SCN2A: variants seen among roughly 807,000 people sequenced by gnomAD.
The protein encoded by SCN2A is sodium voltage-gated channel alpha subunit 2, also known as sodium channel protein type 2 subunit alpha.
SCN2A carries 20 observed loss-of-function variants against 188.7 expected under a neutral mutation model. The ratio of observed to expected loss-of-function variants is 0.11; its 90% CI spans 0.07 to 0.15. The LOEUF is 0.15. SCN2A is among the 10% of genes least tolerant of loss of function. The pLI, the probability that SCN2A is intolerant of heterozygous loss-of-function variation, is 1.00. For synonymous variants in SCN2A, 804 were observed against 833.1 expected, an observed-to-expected ratio of 0.97 and a Z score of 0.60; for missense variants, 1,278 against 2,445.0, an observed-to-expected ratio of 0.52 and a Z score of 10.07.
chr2:165,332,743 G>T (rs1698762634), intron 14 of SCN2A, among the ~76,000 whole-genome samples: 1 of 151,932 alleles, frequency 6.6e-6, no homozygotes, highest in Admixed American at 6.6e-5. Context: ...GAAAGCCTTT[G>T]GAGGTAATAT....
intron 17 of SCN2A, among the ~76,000 whole-genome samples, chr2:165,360,977 A>G (rs1289995499): frequency 1.3e-5 from 2 of 151,980 alleles, no homozygotes; most frequent in Non-Finnish European, 2.9e-5. Flanking sequence ...GTGACTATGT[A>G]CTACAGTTAG....
In SCN2A at chr2:165,367,272, A is replaced by G; in HGVS notation, c.3576A>G (p.Lys1192=). Residue 1192 remains lysine (K), a synonymous_variant, in exon 19 of 27, where the codon AAA becomes AAG. Coordinates refer to ENST00000375437, the MANE Select transcript of SCN2A (RefSeq NM_001040142.2). ...TAAGCATAGAAGAAGGCAAAGGGAA[A>G]CTCTGGTGGAATTTGAGGAAAACAT... ...CQISIEEGKG[K]LWWNLRKTCY... is the part of the protein sequence containing the mutation. 1.2e-6 allele frequency: 2 copies of G among 1,614,002 alleles called. No individual in the cohort carries two copies. Among genetic ancestry groups the G allele is most frequent in the South Asian group, 1.1e-5 (1 of 91,072 alleles).
chr2:165,382,207 T>C (rs1195917575), intron 25 of SCN2A, among the ~76,000 whole-genome samples: 10 of 152,066 alleles, frequency 6.6e-5, no homozygotes, highest in Admixed American at 2.6e-4. Flanking sequence ...AATTAGTGAG[T>C]AGTAGACACT....
rs200109956 is a variant in SCN2A at position 165,307,912 on chromosome 2, C to G, written c.451C>G (p.Pro151Ala). 2 of 1,608,582 alleles carry G rather than the reference C, an allele frequency of 1.2e-6. No homozygotes were observed. Among genetic ancestry groups the G allele is most frequent in the Non-Finnish European group, 1.7e-6 (2 of 1,175,278 alleles). ...CTGTGTATTTATGACCATGAGTAAC[C>G]CTCCAGACTGGACAAAGAATGTGGA... is the stretch of plus-strand genomic sequence containing the variant. ...TNCVFMTMSN[P>A]PDWTKNVEYT... Residue 151 changes from proline (P) to alanine (A), a missense_variant, in exon 4 of 27, where the codon CCT (proline) becomes GCT (alanine). This residue lies in a region of SCN2A where 141 missense variants were observed against 185.4 expected (regional missense o/e 0.76). Transcript: ENST00000375437.
chr2:165,270,536 T>C (rs981451708), intron 1 of SCN2A: 6 of 152,110 alleles, frequency 3.9e-5, no homozygotes, highest in African/African-American at 1.4e-4. Flanking sequence ...CTTTCGGCAT[T>C]GTATTTGATA....
intron 25 of SCN2A, among the ~76,000 whole-genome samples, chr2:165,382,602 A>G (rs1327547703): frequency 2.0e-5 from 3 of 152,020 alleles, no homozygotes; most frequent in South Asian, 2.1e-4. Context: ...TAAGAATAGC[A>G]TATTTTCATT....
At chr2:165,377,906 T>A (rs1701394369) in intron 23 of SCN2A, among the ~76,000 whole-genome samples, 1 of 151,930 alleles carries the variant, frequency 6.6e-6, no homozygotes, top group African/African-American at 2.4e-5. Context: ...TTATTGTATG[T>A]ATTTTCAAAA....
At chr2:165,261,932 T>C (rs2106087877) in intron 1 of SCN2A, among the ~76,000 whole-genome samples, 2 of 152,318 alleles carry the variant, frequency 1.3e-5, no homozygotes, top group South Asian at 4.1e-4. Flanking sequence ...TCTCTATTTT[T>C]TAAGCTGATA....
intron 20 of SCN2A, chr2:165,370,971 C>A (rs1700993981): frequency 6.6e-6 from 1 of 152,572 alleles, no homozygotes; most frequent in Non-Finnish European, 1.5e-5. Flanking sequence ...TAAAGGAAGA[C>A]AATAAATAAT....
intron 25 of SCN2A, among the ~76,000 whole-genome samples, 158 bp downstream of exon 25, chr2:165,381,355 T>G (rs568340992): frequency 6.8e-4 from 104 of 151,968 alleles, no homozygotes; most frequent in Middle Eastern, 3.4e-3. Flanking sequence ...AAAATGTACT[T>G]TACATATATA....
chr2:165,380,893 A>G, intron 24 of SCN2A, 164 bp downstream of exon 24: 2 of 712,166 alleles, frequency 2.8e-6, no homozygotes, highest in South Asian at 1.9e-5. Flanking sequence ...AATAATTCAG[A>G]TAGCATGTTT....
chr2:165,299,852 C>T (rs900131991), intron 3 of SCN2A, among the ~76,000 whole-genome samples: 13 of 152,156 alleles, frequency 8.5e-5, no homozygotes, highest in Non-Finnish European at 2.9e-5. Context: ...TATAAACCAA[C>T]AAGGAGCCAT....
intron 19 of SCN2A, among the ~76,000 whole-genome samples, chr2:165,368,564 G>A (rs932960423): frequency 1.3e-5 from 2 of 152,014 alleles, no homozygotes; most frequent in East Asian, 1.9e-4. Context: ...ACACTGATTC[G>A]CTATTGCCAA....
At chr2:165,258,782 A>G (rs1694442494) in intron 1 of SCN2A, among the ~76,000 whole-genome samples, 1 of 152,236 alleles carries the variant, frequency 6.6e-6, no homozygotes, top group Non-Finnish European at 1.5e-5. Flanking sequence ...TGTCCTCTGC[A>G]GGGACATGGA....
chr2:165,257,306 A>G (rs905017863), intron 1 of SCN2A, among the ~76,000 whole-genome samples: 6 of 152,140 alleles, frequency 3.9e-5, no homozygotes, highest in African/African-American at 1.4e-4. Context: ...GTGGTCTTCT[A>G]TTGGCACATC....
At chr2:165,307,555 A>G (rs1697201833) in intron 3 of SCN2A, among the ~76,000 whole-genome samples, 1 of 152,146 alleles carries the variant, frequency 6.6e-6, no homozygotes. Context: ...GTCGTTAAGA[A>G]AATTTAAGTT....
At chr2:165,315,902 C>A in intron 11 of SCN2A, 144 bp downstream of exon 11, 2 of 1,006,794 alleles carry the variant, frequency 2.0e-6, no homozygotes, top group Non-Finnish European at 2.9e-6. Flanking sequence ...TTGGCTATCA[C>A]TTCAGAGAAT....
At chr2:165,345,715 G>T (rs1006291010) in intron 16 of SCN2A, among the ~76,000 whole-genome samples, 2 of 152,066 alleles carry the variant, frequency 1.3e-5, no homozygotes, top group Non-Finnish European at 2.9e-5. Flanking sequence ...TACATTTAAG[G>T]TTAATATTGT....
intron 16 of SCN2A, among the ~76,000 whole-genome samples, 167 bp downstream of exon 16, chr2:165,345,078 C>G (rs1315046322): frequency 1.3e-5 from 2 of 152,194 alleles, no homozygotes; most frequent in Non-Finnish European, 1.5e-5. Context: ...GTAATCCACA[C>G]AAACCCTTAA....
Sources: allele counts gnomAD v4.1 joint callset (sites outside exome capture counted in the v4.1 genomes callset), GRCh38; gene constraint gnomAD v4.1.1; regional missense constraint gnomAD v4.1.1; transcripts MANE v1.5; gene names NCBI Gene and HGNC (gene_info 2026-07-23, HGNC 2026-07-21).